CNTN3: variants seen among roughly 807,000 people sequenced by gnomAD.
CNTN3 encodes the protein contactin-3.
A neutral mutation model predicts 119.1 loss-of-function variants in CNTN3; 60 were observed. That is an observed-to-expected ratio of 0.50 (90% CI 0.41 to 0.62). The LOEUF is 0.62. CNTN3 is among the 20% of genes least tolerant of loss of function. The pLI, the probability that CNTN3 is intolerant of heterozygous loss-of-function variation, is 0.00. For synonymous variants in CNTN3, 450 were observed against 438.7 expected (o/e 1.03, Z -0.32); for missense variants, 1,101 against 1,242.4 (o/e 0.89, Z 1.71).
chr3:74,479,941 T>C (rs1702733567), intron 4 of CNTN3, among the ~76,000 whole-genome samples: 1 of 151,924 alleles, frequency 6.6e-6, no homozygotes, highest in Non-Finnish European at 1.5e-5. Context: ...AATCAATAAG[T>C]AAAATAATGT....
intron 20 of CNTN3, among the ~76,000 whole-genome samples, chr3:74,285,092 G>A (rs1412460290): frequency 6.6e-6 from 1 of 152,072 alleles, no homozygotes; most frequent in African/African-American, 2.4e-5. Context: ...TTTTCAGAAG[G>A]TGCACGTTCA....
intron 1 of CNTN3, among the ~76,000 whole-genome samples, chr3:74,613,229 G>C (rs1460296315): frequency 2.0e-5 from 3 of 147,866 alleles, no homozygotes; most frequent in Admixed American, 6.7e-5. Flanking sequence ...ATTCATCTCT[G>C]TGGGGGTAGA....
intron 1 of CNTN3, among the ~76,000 whole-genome samples, chr3:74,606,030 G>T (rs1332743452): frequency 2.0e-5 from 3 of 151,882 alleles, no homozygotes; most frequent in South Asian, 2.1e-4. Flanking sequence ...TTCCCATCCT[G>T]CCCTCTCCCC....
rs1266599455 is a variant in CNTN3, at chr3:74,301,803, A to T, written c.1789T>A (p.Ser597Thr). The change falls in exon 15 of 23, where the codon TCA becomes ACA. Residue 597 changes from serine to threonine, a missense_variant and splice_region_variant. Transcript: ENST00000263665. ...SSAADLIVRG[S>T]PGPPENVKVD... ...TTCACATTTTCTGGTGGTCCAGGTG[A>T]ACCTAAGGAAGGCACAAATGGAAAC... 6.2e-7 allele frequency: 1 copy of T among 1,613,622 alleles called. No individual in the cohort carries two copies. Among genetic ancestry groups the T allele is most frequent in the African/African-American group, 1.3e-5 (1 of 74,916 alleles).
intron 4 of CNTN3, among the ~76,000 whole-genome samples, chr3:74,462,018 T>A (rs1338646314): frequency 1.3e-5 from 2 of 152,040 alleles, no homozygotes; most frequent in African/African-American, 4.8e-5. Context: ...ATTATGAGGA[T>A]CGATCCCTCA....
chr3:74,423,630 C>T (rs1413602562), intron 5 of CNTN3, among the ~76,000 whole-genome samples: 4 of 152,202 alleles, frequency 2.6e-5, no homozygotes, highest in African/African-American at 7.2e-5. Flanking sequence ...TTTGTCAATA[C>T]GGTTTGACTT....
intron 13 of CNTN3, among the ~76,000 whole-genome samples, chr3:74,310,826 A>G (rs1385049880): frequency 1.3e-5 from 2 of 152,294 alleles, no homozygotes; most frequent in African/African-American, 4.8e-5. Context: ...TGCTACAGCC[A>G]TCTTTGGAAA....
intron 12 of CNTN3, among the ~76,000 whole-genome samples, chr3:74,335,980 A>G (rs1469523600): frequency 1.3e-5 from 2 of 152,020 alleles, no homozygotes; most frequent in Non-Finnish European, 2.9e-5. Flanking sequence ...CTTCTTTCTT[A>G]TTCCTACTGT....
intron 5 of CNTN3, among the ~76,000 whole-genome samples, chr3:74,385,500 G>A (rs141454477): frequency 3.4e-4 from 52 of 152,302 alleles, no homozygotes; most frequent in Middle Eastern, 3.4e-3. Flanking sequence ...AGCTTTTTGC[G>A]TAATTTTGGA....
At chr3:74,423,292 G>A (rs1229456089) in intron 5 of CNTN3, among the ~76,000 whole-genome samples, 1 of 152,182 alleles carries the variant, frequency 6.6e-6, no homozygotes, top group Non-Finnish European at 1.5e-5. Context: ...TTGTGATGTG[G>A]TCCAACAAAA....
intron 1 of CNTN3, among the ~76,000 whole-genome samples, chr3:74,613,031 G>A (rs147145448): frequency 3.2e-3 from 481 of 152,290 alleles, no homozygotes; most frequent in Admixed American, 5.7e-3. Context: ...TGCAGCCAAA[G>A]TCAGGTTACT....
chr3:74,419,106 G>C (rs549263557), intron 5 of CNTN3, among the ~76,000 whole-genome samples: 1 of 152,182 alleles, frequency 6.6e-6, no homozygotes, highest in African/African-American at 2.4e-5. Flanking sequence ...CTGTTTTAAA[G>C]TTTAACTTTA....
intron 1 of CNTN3, among the ~76,000 whole-genome samples, chr3:74,572,816 T>C (rs771110478): frequency 1.3e-5 from 2 of 152,236 alleles, no homozygotes; most frequent in Non-Finnish European, 2.9e-5. Context: ...TGAGAACTTA[T>C]GAGAAGCCAG....
At chr3:74,499,026 T>A (rs888297230) in intron 3 of CNTN3, among the ~76,000 whole-genome samples, 1 of 151,528 alleles carries the variant, frequency 6.6e-6, no homozygotes, top group South Asian at 2.1e-4. Context: ...CCCCAAAATA[T>A]CAATATTTTT....
chr3:74,470,970 G>A (rs548758130), intron 4 of CNTN3, among the ~76,000 whole-genome samples: 54 of 151,544 alleles, frequency 3.6e-4, no homozygotes, highest in Non-Finnish European at 3.1e-4. Flanking sequence ...TCCGCCTCCC[G>A]GGTTCAAGCG....
intron 5 of CNTN3, among the ~76,000 whole-genome samples, chr3:74,400,971 A>G (rs753633909): frequency 3.3e-5 from 5 of 152,174 alleles, no homozygotes; most frequent in African/African-American, 9.7e-5. Context: ...AGGATTCCCT[A>G]TATCTTCAAT....
chr3:74,416,160 CCAGA>C lies in CNTN3; in HGVS notation c.454+8681_454+8684del, dbSNP rs370956546. On this transcript the variant is annotated intron_variant, in intron 5 of 22. Transcript: ENST00000263665. ...TAAAGTGGGGTTCAGATATTCCCAG[CCAGA>C]CAATCCCCCAGGGTACAGAAAGAAA... Among the ~76,000 whole-genome samples the C allele has an allele frequency of 5.7e-3, 861 of 152,258 alleles. 3 individuals are homozygous for C. The highest frequency in any genetic ancestry group is 0.01 in the Non-Finnish European group (687 of 68,028).
chr3:74,553,875 C>A (rs1343016391), intron 1 of CNTN3, among the ~76,000 whole-genome samples: 1 of 152,122 alleles, frequency 6.6e-6, no homozygotes, highest in Non-Finnish European at 1.5e-5. Flanking sequence ...GTTGCCTATT[C>A]ATTTTGATGA....
chr3:74,512,428 G>A (rs1703382645), intron 2 of CNTN3, among the ~76,000 whole-genome samples: 1 of 151,954 alleles, frequency 6.6e-6, no homozygotes. Flanking sequence ...GGAAAAGGGG[G>A]AATCAGTATA....
Sources: allele counts gnomAD v4.1 joint callset (sites outside exome capture counted in the v4.1 genomes callset), GRCh38; gene constraint gnomAD v4.1.1; transcripts MANE v1.5; gene names NCBI Gene and HGNC (gene_info 2026-07-23, HGNC 2026-07-21).